ITGA1: variants seen among roughly 807,000 people sequenced by gnomAD.
ITGA1 encodes integrin subunit alpha 1.
A neutral mutation model predicts 145.9 loss-of-function variants in ITGA1; 85 were observed. The ratio of observed to expected loss-of-function variants is 0.58; its 90% CI spans 0.49 to 0.70. The LOEUF (loss-of-function observed/expected upper bound fraction) is 0.70. Among genes scored for constraint, ITGA1 ranks in the 30% least tolerant of loss-of-function variants. The pLI, the probability that ITGA1 is intolerant of heterozygous loss-of-function variation, is 0.00. For synonymous variants in ITGA1, 520 were observed against 495.3 expected (o/e 1.05, Z -0.66); for missense variants, 1,351 against 1,418.7 (o/e 0.95, Z 0.77).
Position 52,865,773 on chromosome 5 carries a change from A to G in ITGA1, c.580A>G (p.Asn194Asp). 6.2e-7 allele frequency: 1 copy of G among 1,604,160 alleles called. No homozygotes were observed. Among genetic ancestry groups the G allele is most frequent in the Non-Finnish European group, 8.5e-7 (1 of 1,176,150 alleles). ...YPWDSVTAFLNDLLERMDIGP... is the reference protein window; with the variant it reads ...YPWDSVTAFLDDLLERMDIGP... ...ATGGGACAGTGTTACAGCTTTTTTA[A>G]ATGACCTTCTTGAAAGAATGGATAT... The change falls in exon 6 of 29, where the codon AAT (asparagine) becomes GAT (aspartate). Residue 194 changes from asparagine to aspartate, a missense_variant. By Grantham distance (23) the Asn-to-Asp change is conservative (BLOSUM62 1). Transcript: ENST00000282588.
At chr5:52,928,438 G>T (rs1041675897) in intron 20 of ITGA1, among the ~76,000 whole-genome samples, 1 of 152,080 alleles carries the variant, frequency 6.6e-6, no homozygotes, top group African/African-American at 2.4e-5. Context: ...TATAATTCAC[G>T]TAGCATGGAG....
intron 14 of ITGA1, among the ~76,000 whole-genome samples, chr5:52,910,938 G>GTATATATACTA (rs1285897179): frequency 7.4e-6 from 1 of 134,258 alleles, no homozygotes; most frequent in African/African-American, 2.8e-5. Context: ...TATATGGTAT[G>GTATATATACTA]TATACTGTAT....
In ITGA1 at chr5:52,837,007, G is replaced by A. The variant is rs559354547; in HGVS notation, c.62-12358G>A. ...AGCAATGTGCCCTCTACCCAGCTTT[G>A]CAAAATCTAAACATTTTTCTGTAAT... is the stretch of plus-strand genomic sequence containing the variant. On this transcript the variant is annotated intron_variant, in intron 1 of 28. Coordinates refer to ENST00000282588, the MANE Select transcript of ITGA1 (RefSeq NM_181501.2). Among the ~76,000 whole-genome samples the A allele has an allele frequency of 9.2e-5, 14 of 152,166 alleles. No homozygotes were observed. In the South Asian group the frequency reaches 2.5e-3, roughly 27 times the overall value.
intron 26 of ITGA1, among the ~76,000 whole-genome samples, chr5:52,940,412 C>CTT (rs35106592): frequency 2.2e-5 from 3 of 133,782 alleles, no homozygotes; most frequent in Non-Finnish European, 4.8e-5. Flanking sequence ...AGCCTTTTTT[C>CTT]TTTTTTTTTT....
intron 14 of ITGA1, among the ~76,000 whole-genome samples, chr5:52,910,676 C>T (rs942069784): frequency 2.8e-5 from 4 of 145,282 alleles, no homozygotes; most frequent in Admixed American, 6.9e-5. Context: ...TATATATATA[C>T]ACACTATATA....
At chr5:52,949,291 C>A (rs1324186291) in intron 28 of ITGA1, among the ~76,000 whole-genome samples, 5 of 152,102 alleles carry the variant, frequency 3.3e-5, no homozygotes, top group Non-Finnish European at 5.9e-5. Context: ...GTCGTATGAA[C>A]CTCCTCTTTT....
At position 52,788,373 on chromosome 5, in the gene ITGA1, C is replaced by G; in HGVS notation, c.20C>G (p.Ala7Gly). 1 of 1,512,580 alleles carries G rather than the reference C, an allele frequency of 6.6e-7. No homozygotes were observed. The highest frequency in any genetic ancestry group is 8.8e-7 in the Non-Finnish European group (1 of 1,134,368). 93.7% of individuals were successfully genotyped at this position (1,512,580 alleles called of 1,614,324 possible). A position where few individuals can be genotyped will look rare whatever the true frequency, so the allele number is the denominator to read the frequency against. The change falls in exon 1 of 29, where the codon GCC (alanine) becomes GGC (glycine). Residue 7 changes from alanine (A) to glycine (G), a missense_variant. Coordinates refer to ENST00000282588, the MANE Select transcript of ITGA1 (RefSeq NM_181501.2). MAPRPR[A>G]RPGVAVACCW... Reference sequence around the variant, plus strand: ...CCGGCCATGGCCCCTCGGCCCCGCGCCCGCCCAGGGGTCGCTGTCGCCTGC... The same window carrying G: ...CCGGCCATGGCCCCTCGGCCCCGCGGCCGCCCAGGGGTCGCTGTCGCCTGC...
chr5:52,788,452 CGGGCTTG>C, intron 1 of ITGA1, 38 bp downstream of exon 1: 1 of 1,452,252 alleles, frequency 6.9e-7, no homozygotes, highest in Non-Finnish European at 9.1e-7. Flanking sequence ...CTCCTGCTCG[CGGGCTTG>C]GGGCTTGGAG....
In ITGA1 at chr5:52,788,878, T is replaced by G. The variant is rs1748182732; in HGVS notation, c.61+464T>G. 2.0e-5 allele frequency among the ~76,000 whole-genome samples: 3 copies of G among 151,208 alleles called. No individual in the cohort carries two copies. In the South Asian group the frequency reaches 6.3e-4, roughly 32 times the overall value. On this transcript the variant is annotated intron_variant, in intron 1 of 28. Coordinates refer to ENST00000282588, the MANE Select transcript of ITGA1 (RefSeq NM_181501.2). ...TTTTCTTGCTGTCTACTATTTAGGC[T>G]TTTTTCCCATGCAGAACAAGAAAAG...
chr5:52,838,379 T>A (rs1199847504), intron 1 of ITGA1, among the ~76,000 whole-genome samples: 2 of 152,156 alleles, frequency 1.3e-5, no homozygotes, highest in African/African-American at 4.8e-5. Flanking sequence ...GATGGACAAT[T>A]TTTTTTAATA....
chr5:52,901,210 T>A (rs1398914427), intron 11 of ITGA1, among the ~76,000 whole-genome samples: 1 of 152,064 alleles, frequency 6.6e-6, no homozygotes, highest in Non-Finnish European at 1.5e-5. Context: ...GCTTTAAAGA[T>A]GGAGGGGGGC....
At chr5:52,870,654 C>G (rs1353732840) in intron 6 of ITGA1, among the ~76,000 whole-genome samples, 1 of 152,186 alleles carries the variant, frequency 6.6e-6, no homozygotes, top group African/African-American at 2.4e-5. Context: ...GGTCACTGCA[C>G]TGGAGTCAGC....
At chr5:52,833,833 A>G (rs578156412) in intron 1 of ITGA1, among the ~76,000 whole-genome samples, 1 of 152,314 alleles carries the variant, frequency 6.6e-6, no homozygotes, top group East Asian at 1.9e-4. Flanking sequence ...ACTTTGTGGA[A>G]TTGTGCCATT....
chr5:52,804,561 C>T (rs1652737057), intron 1 of ITGA1, among the ~76,000 whole-genome samples: 1 of 152,144 alleles, frequency 6.6e-6, no homozygotes, highest in Non-Finnish European at 1.5e-5. Context: ...TACTTAGTTT[C>T]TGTCTCTAAC....
At chr5:52,850,704 G>A (rs1749417967) in intron 2 of ITGA1, among the ~76,000 whole-genome samples, 1 of 152,206 alleles carries the variant, frequency 6.6e-6, no homozygotes, top group South Asian at 2.1e-4. Flanking sequence ...GTATAAACTA[G>A]AATTTGTTGA....
chr5:52,852,216 T>C (rs2111756039), intron 2 of ITGA1, among the ~76,000 whole-genome samples: 1 of 152,238 alleles, frequency 6.6e-6, no homozygotes, highest in South Asian at 2.1e-4. Context: ...AAAAGGATGA[T>C]GGCAGATCTT....
chr5:52,867,515 A>C (rs980706371), intron 6 of ITGA1, among the ~76,000 whole-genome samples: 1 of 152,136 alleles, frequency 6.6e-6, no homozygotes, highest in African/African-American at 2.4e-5. Flanking sequence ...GTCTTGCTAC[A>C]GGGTACAGGG....
intron 2 of ITGA1, among the ~76,000 whole-genome samples, chr5:52,851,169 A>T (rs1749425931): frequency 6.6e-6 from 1 of 152,242 alleles, no homozygotes; most frequent in Non-Finnish European, 1.5e-5. Context: ...AAAATATTTT[A>T]TGAAATTCTC....
In ITGA1 at chr5:52,915,584, G is replaced by T. The variant is rs929589813; in HGVS notation, c.1978G>T (p.Ala660Ser). Reference protein sequence around the residue: ...DVTIGGLGGAALFWSRDVAVV... With the variant: ...DVTIGGLGGASLFWSRDVAVV... The stretch of plus-strand genomic sequence containing the variant: ...GACTATTGGGGGCCTTGGTGGTGCT[G>T]CCCTCTTCTGGTATGTATTTTAATA... Residue 660 changes from alanine to serine, a missense_variant, in exon 15 of 29, where the codon GCC becomes TCC. Physicochemically the swap from Ala to Ser is moderately conservative, Grantham distance 99. Transcript: ENST00000282588. 14 of 1,613,826 alleles carry T rather than the reference G, an allele frequency of 8.7e-6. No individual in the cohort carries two copies. Among genetic ancestry groups the T allele is most frequent in the African/African-American group, 2.7e-5 (2 of 74,996 alleles).
Sources: allele counts gnomAD v4.1 joint callset (sites outside exome capture counted in the v4.1 genomes callset), GRCh38; gene constraint gnomAD v4.1.1; transcripts MANE v1.5; gene names NCBI Gene and HGNC (gene_info 2026-07-23, HGNC 2026-07-21).